Variants in XRCC6 observed in about 807,000 individuals in gnomAD.
XRCC6 encodes the protein DNA repair protein Ku70.
XRCC6 carries 5 observed loss-of-function variants against 65.7 expected under a neutral mutation model. The ratio of observed to expected loss-of-function variants is 0.08; its 90% confidence interval spans 0.04 to 0.16. The LOEUF is 0.16. Ranked by LOEUF, XRCC6 falls within the 10% of genes least tolerant of loss-of-function variation. The pLI is 1.00. For synonymous variants in XRCC6, 270 were observed against 270.6 expected (o/e 1.00, Z 0.02); for missense variants, 447 against 738.1 (o/e 0.61, Z 4.57).
intron 12 of XRCC6, among the ~76,000 whole-genome samples, chr22:41,662,945 G>A (rs132787): frequency 0.7 from 106,285 of 151,734 alleles, 38,869 homozygotes; most frequent in East Asian, 0.92. Flanking sequence ...GCCAGATGTG[G>A]TAGTGGGCGC....
intron 7 of XRCC6, among the ~76,000 whole-genome samples, chr22:41,650,082 C>T (rs1479232130): frequency 1.3e-5 from 2 of 151,584 alleles, no homozygotes; most frequent in East Asian, 1.9e-4. Flanking sequence ...AGGGATGGTG[C>T]TGACAGGTCA....
At chr22:41,650,404 TTTA>T (rs1182568336) in intron 7 of XRCC6, among the ~76,000 whole-genome samples, 1 of 152,096 alleles carries the variant, frequency 6.6e-6, no homozygotes, top group Non-Finnish European at 1.5e-5. Flanking sequence ...CCTAGCCTAT[TTTA>T]TTGTTTTTGC....
intron 4 of XRCC6, 89 bp downstream of exon 4, chr22:41,636,340 A>T: frequency 6.6e-7 from 1 of 1,507,642 alleles, no homozygotes; most frequent in Non-Finnish European, 8.9e-7. Context: ...GAAGCAAGTT[A>T]CATCTTGTCT....
At chr22:41,651,361 ATTTTTTTTTTTTTTTTTTTTTTTTTTTT>A (rs764795746) in intron 8 of XRCC6, among the ~76,000 whole-genome samples, 4,590 of 49,770 alleles carry the variant, frequency 0.092, 329 homozygotes, top group African/African-American at 0.19. Context: ...AGTTAAACAG[ATTTTTTTTTTTTTTTTTTTTTTTTTTTT>A]TTTTTTTTTT....
At chr22:41,632,826 G>GAA (rs774575798) in intron 3 of XRCC6, among the ~76,000 whole-genome samples, 12 of 130,070 alleles carry the variant, frequency 9.2e-5, no homozygotes, top group East Asian at 2.2e-4. Flanking sequence ...CTGTCTCTTG[G>GAA]AAAAAAAAAA....
intron 2 of XRCC6, among the ~76,000 whole-genome samples, chr22:41,623,319 C>T (rs545117279): frequency 6.6e-6 from 1 of 152,180 alleles, no homozygotes; most frequent in South Asian, 2.1e-4. Flanking sequence ...TCAAGCGATA[C>T]CCCCAAGCCT....
intron 3 of XRCC6, among the ~76,000 whole-genome samples, chr22:41,629,059 G>GAAAGGCAA (rs2067711661): frequency 6.7e-6 from 1 of 149,986 alleles, no homozygotes; most frequent in Non-Finnish European, 1.5e-5. Context: ...AGTCATTAGA[G>GAAAGGCAA]AAAGGCAAAT....
Position 41,628,001 on chromosome 22 carries a change from T to G in XRCC6, c.83-117T>G, listed in dbSNP as rs2067697157. 1.8e-5 allele frequency: 11 copies of G among 608,700 alleles called. No homozygotes were observed. In the East Asian group the frequency reaches 3.6e-4, roughly 20 times the overall value. 37.7% of individuals were successfully genotyped at this position (608,700 alleles called of 1,614,324 possible). A position where few individuals can be genotyped will look rare whatever the true frequency, so the allele number is the denominator to read the frequency against. ...CTGACATAGGTGGAGATTTTATGGT[T>G]GTTCACCTTATAATAATTTATTAGG... On this transcript the variant is annotated intron_variant, in intron 2 of 12. Transcript: ENST00000360079.
intron 6 of XRCC6, among the ~76,000 whole-genome samples, chr22:41,639,594 ATTT>A (rs2067851926): frequency 1.4e-5 from 2 of 148,038 alleles, no homozygotes; most frequent in Admixed American, 6.7e-5. Flanking sequence ...AAATCCTCCC[ATTT>A]AGGCCTCCCA....
At chr22:41,647,261 G>C (rs1284160046) in intron 7 of XRCC6, among the ~76,000 whole-genome samples, 179 bp downstream of exon 7, 1 of 151,968 alleles carries the variant, frequency 6.6e-6, no homozygotes, top group Admixed American at 6.6e-5. Flanking sequence ...ATCACACCCA[G>C]CTAATTTATT....
chr22:41,633,431 G>A (rs1487820400), intron 3 of XRCC6, among the ~76,000 whole-genome samples: 1 of 146,538 alleles, frequency 6.8e-6, no homozygotes, highest in Non-Finnish European at 1.5e-5. Context: ...GTCTCGCTTT[G>A]CTGCCCTGGC....
chr22:41,654,350 G>T (rs1569096293), intron 9 of XRCC6, among the ~76,000 whole-genome samples: 2 of 152,166 alleles, frequency 1.3e-5, no homozygotes, highest in African/African-American at 4.8e-5. Flanking sequence ...GGAGTGCTCA[G>T]TTACTAAGCT....
Position 41,650,840 on chromosome 22 carries a change from C to A in XRCC6, c.1078C>A (p.His360Asn). ...GCCGTTGGTACTGCTGAAGAAACAC[C>A]ATTACCTGAGGCCCTCCCTGTTCGT... ...FKPLVLLKKH[H>N]YLRPSLFVYP... is the part of the protein sequence containing the mutation. Residue 360 changes from histidine to asparagine, a missense_variant, in exon 8 of 13, where the codon CAT (histidine) becomes AAT (asparagine). Physicochemically the swap from His to Asn is moderately conservative, Grantham distance 68 (BLOSUM62 1). Coordinates refer to ENST00000360079, the MANE Select transcript of XRCC6 (RefSeq NM_001469.5). The A allele has an allele frequency of 6.2e-7, 1 of 1,614,068 alleles. No homozygotes were observed. Among genetic ancestry groups the A allele is most frequent in the Non-Finnish European group, 8.5e-7 (1 of 1,179,976 alleles).
intron 7 of XRCC6, among the ~76,000 whole-genome samples, chr22:41,649,168 GTA>G (rs2067969935): frequency 1.7e-5 from 2 of 118,284 alleles, no homozygotes; most frequent in Admixed American, 1.1e-4. Context: ...ATATATGTAT[GTA>G]TGTGTGTGTG....
chr22:41,651,394 T>C (rs1601551320), intron 8 of XRCC6, among the ~76,000 whole-genome samples: 1 of 59,948 alleles, frequency 1.7e-5, no homozygotes, highest in East Asian at 4.4e-4. Flanking sequence ...TTTTTTTTTT[T>C]TTTTTTTTTT....
intron 3 of XRCC6, among the ~76,000 whole-genome samples, chr22:41,630,402 G>A (rs1336539075): frequency 6.6e-6 from 1 of 151,756 alleles, no homozygotes; most frequent in African/African-American, 2.4e-5. Flanking sequence ...GTGCCACTAT[G>A]CCTGGCACAT....
At chr22:41,649,937 C>G (rs571537681) in intron 7 of XRCC6, among the ~76,000 whole-genome samples, 6 of 151,988 alleles carry the variant, frequency 3.9e-5, no homozygotes, top group Non-Finnish European at 8.8e-5. Context: ...GAGGCTGATG[C>G]AGGAGAATCA....
chr22:41,643,782 C>T (rs182384863), intron 6 of XRCC6, among the ~76,000 whole-genome samples: 1 of 151,110 alleles, frequency 6.6e-6, no homozygotes, highest in African/African-American at 2.4e-5. Flanking sequence ...GATTGCGCCA[C>T]TGCACTCCAC....
chr22:41,661,863 G>A (rs2068102810), intron 12 of XRCC6, among the ~76,000 whole-genome samples: 1 of 152,150 alleles, frequency 6.6e-6, no homozygotes, highest in Admixed American at 6.6e-5. Context: ...CAGATGCCTG[G>A]TAAAGAAAAT....
Sources: allele counts gnomAD v4.1 joint callset (sites outside exome capture counted in the v4.1 genomes callset), GRCh38; gene constraint gnomAD v4.1.1; transcripts MANE v1.5; gene names NCBI Gene and HGNC (gene_info 2026-07-23, HGNC 2026-07-21).